MON2: variants seen among roughly 807,000 people sequenced by gnomAD.
MON2 encodes MON2 regulator of endosome-to-Golgi trafficking, also known as protein MON2 homolog.
Under a neutral mutation model 208.6 loss-of-function variants are expected in MON2, and 84 were observed. The observed-to-expected ratio is 0.40, with a 90% CI of 0.34 to 0.48. MON2 has a LOEUF of 0.48. Among genes scored for constraint, MON2 ranks in the 20% least tolerant of loss-of-function variants. The pLI is 0.59. For missense variants in MON2, 1,611 were observed against 2,015.4 expected (o/e 0.80, Z 3.84); for synonymous variants, 660 against 694.0 (o/e 0.95, Z 0.77).
chr12:62,538,614 G>A, intron 19 of MON2, 109 bp downstream of exon 19: 1 of 757,986 alleles, frequency 1.3e-6, no homozygotes, highest in Non-Finnish European at 2.2e-6. Context: ...AGATTGTATG[G>A]TAACCATACT....
intron 25 of MON2, 36 bp downstream of exon 25, chr12:62,556,228 T>C: frequency 6.3e-7 from 1 of 1,583,896 alleles, no homozygotes; most frequent in African/African-American, 1.4e-5. Context: ...TACAAGTAAT[T>C]AATGTTAAAA....
intron 1 of MON2, among the ~76,000 whole-genome samples, chr12:62,477,909 T>G (rs1297953179): frequency 6.6e-6 from 1 of 152,204 alleles, no homozygotes; most frequent in Non-Finnish European, 1.5e-5. Context: ...GCTGCAGCCG[T>G]TGTTGCCAAG....
rs1256407849 is a variant in MON2 at position 62,599,759 on chromosome 12, TA to T, written c.*7014del. Reference sequence around the variant, plus strand: ...AATAGTTTCATGTTTTACAGTCCATTAAAATCCAAGACTTATAAAATAAACT... The same window carrying T: ...AATAGTTTCATGTTTTACAGTCCATTAAATCCAAGACTTATAAAATAAACT... On this transcript the variant is annotated 3_prime_UTR_variant, in exon 35 of 35. Coordinates refer to ENST00000393630, the MANE Select transcript of MON2 (RefSeq NM_015026.3). 1.3e-5 allele frequency: 2 copies of T among 152,174 alleles called. No individual in the cohort carries two copies. Among genetic ancestry groups the T allele is most frequent in the African/African-American group, 4.8e-5 (2 of 41,438 alleles). The allele number at this position is 152,174 out of a possible 1,614,324, so 9.4% of individuals were successfully genotyped here. A position where few individuals can be genotyped will look rare whatever the true frequency, so the allele number is the denominator to read the frequency against.
At chr12:62,523,051 CCTTAAATT>C (rs1390535749) in intron 8 of MON2, among the ~76,000 whole-genome samples, 1 of 152,112 alleles carries the variant, frequency 6.6e-6, no homozygotes, top group Non-Finnish European at 1.5e-5. Flanking sequence ...AGCTGATGAA[CCTTAAATT>C]CATTCACACA....
chr12:62,479,593 A>G (rs959571982), intron 1 of MON2, among the ~76,000 whole-genome samples: 11 of 152,174 alleles, frequency 7.2e-5, no homozygotes, highest in Non-Finnish European at 1.6e-4. Context: ...AGCAGTCAGC[A>G]AAGGGTTTTG....
rs1157764901 is a variant in MON2, at chr12:62,571,566, T to C, written c.4498T>C (p.Phe1500Leu). 1 of 1,608,244 alleles carries C rather than the reference T, an allele frequency of 6.2e-7. No homozygotes were observed. Residue 1500 changes from phenylalanine to leucine, a missense_variant, in exon 30 of 35, where the codon TTT becomes CTT. Phe to Leu is a conservative substitution (Grantham distance 22). Coordinates refer to ENST00000393630, the MANE Select transcript of MON2 (RefSeq NM_015026.3). Reference sequence around the variant, plus strand: ...AGAACTAGCCAATACTTTTGAAGATTTTCTCTTTACTAAAAGGTCAGCTCA... The same window carrying C: ...AGAACTAGCCAATACTTTTGAAGATCTTCTCTTTACTAAAAGGTCAGCTCA... ...WPELANTFED[F>L]LFTKSIPPDN...
intron 8 of MON2, among the ~76,000 whole-genome samples, chr12:62,520,342 G>A (rs984708091): frequency 6.6e-6 from 1 of 152,028 alleles, no homozygotes; most frequent in Non-Finnish European, 1.5e-5. Context: ...GTAGATACAA[G>A]TTTTTTTAAA....
chr12:62,578,445 C>G lies in MON2; in HGVS notation c.4515C>G (p.Ser1505Arg). The stretch of plus-strand genomic sequence containing the variant: ...AAAATCAAGTGTTTTTTTTTTTTAG[C>G]ATACCTCCAGATAATCTCTCTATTC... ...NTFEDFLFTKSIPPDNLSIQE... is the reference protein window; with the variant it reads ...NTFEDFLFTKRIPPDNLSIQE... Residue 1505 changes from serine to arginine, a missense_variant and splice_region_variant, in exon 31 of 35, where the codon AGC becomes AGG. Physicochemically the swap from Ser to Arg is moderately radical, Grantham distance 110 (BLOSUM62 -1). Transcript: ENST00000393630. 2 of 1,366,944 alleles carry G rather than the reference C, an allele frequency of 1.5e-6. No individual in the cohort carries two copies. The highest frequency in any genetic ancestry group is 1.5e-5 in the African/African-American group (1 of 64,570). 84.7% of individuals were successfully genotyped at this position (1,366,944 alleles called of 1,614,324 possible). A position where few individuals can be genotyped will look rare whatever the true frequency, so the allele number is the denominator to read the frequency against.
chr12:62,500,024 C>T (rs966090290), intron 5 of MON2, among the ~76,000 whole-genome samples: 2 of 151,806 alleles, frequency 1.3e-5, no homozygotes, highest in Non-Finnish European at 2.9e-5. Flanking sequence ...TAATGTGTCC[C>T]ATTTGGTTAA....
At chr12:62,499,941 A>G (rs1004819617) in intron 5 of MON2, among the ~76,000 whole-genome samples, 1 of 151,952 alleles carries the variant, frequency 6.6e-6, no homozygotes, top group Non-Finnish European at 1.5e-5. Flanking sequence ...ACTTTGGTAT[A>G]TTGTTTTTTC....
At chr12:62,530,185 T>C (rs1424977754) in intron 11 of MON2, among the ~76,000 whole-genome samples, 1 of 151,962 alleles carries the variant, frequency 6.6e-6, no homozygotes, top group Non-Finnish European at 1.5e-5. Flanking sequence ...ATCTGCTTTC[T>C]ACTTTAATGA....
At chr12:62,484,043 A>G (rs2069611838) in intron 1 of MON2, 127 bp from the exon 2 acceptor site, 1 of 669,292 alleles carries the variant, frequency 1.5e-6, no homozygotes, top group East Asian at 2.6e-5. Flanking sequence ...TGGTTTGAAA[A>G]TTAAAAAGGT....
intron 8 of MON2, among the ~76,000 whole-genome samples, chr12:62,510,025 TA>T (rs1311731044): frequency 6.6e-6 from 1 of 152,022 alleles, no homozygotes; most frequent in Non-Finnish European, 1.5e-5. Flanking sequence ...AAAAGACTAC[TA>T]GGAAGAATTA....
At chr12:62,517,723 A>G (rs1048386182) in intron 8 of MON2, among the ~76,000 whole-genome samples, 5 of 152,174 alleles carry the variant, frequency 3.3e-5, no homozygotes, top group African/African-American at 1.2e-4. Context: ...AATTGTAACA[A>G]ATAAATTTCT....
In MON2 at chr12:62,599,938, A is replaced by C. The variant is rs2075593076; in HGVS notation, c.*7189A>C. ...GGGTTTTTATTATTGGTCCAGGTTT[A>C]AAACATTTTATCTATTTAAAACATA... On this transcript the variant is annotated 3_prime_UTR_variant, in exon 35 of 35. Coordinates refer to ENST00000393630, the MANE Select transcript of MON2 (RefSeq NM_015026.3). The C allele has an allele frequency of 2.6e-5, 4 of 152,242 alleles. 1 individual carries two copies. The South Asian group carries it at 6.2e-4, about 24-fold the overall frequency. The allele number at this position is 152,242 out of a possible 1,614,324, so 9.4% of individuals were successfully genotyped here.
chr12:62,525,903 A>G (rs2072306229), intron 10 of MON2, 46 bp from the exon 11 acceptor site: 2 of 1,573,236 alleles, frequency 1.3e-6, no homozygotes, highest in African/African-American at 1.4e-5. Context: ...TTTGTAGTCA[A>G]GTAGTAAATT....
In MON2 at chr12:62,466,881, T is replaced by G; in HGVS notation, c.-327T>G. ...GGGCCTGGGGAGCTGGCGCTGAAGC[T>G]TCTTGCCAGGTTGGCTGGTGACACC... On this transcript the variant is annotated 5_prime_UTR_variant, in exon 1 of 35. Transcript: ENST00000393630. 2.2e-6 allele frequency: 1 copy of G among 462,084 alleles called. No individual in the cohort carries two copies. The highest frequency in any genetic ancestry group is 2.0e-5 in the African/African-American group (1 of 49,392). The allele number at this position is 462,084 out of a possible 1,614,324, so 28.6% of individuals were successfully genotyped here. A position where few individuals can be genotyped will look rare whatever the true frequency, so the allele number is the denominator to read the frequency against.
chr12:62,588,995 T>C, intron 34 of MON2: 11 of 888,168 alleles, frequency 1.2e-5, no homozygotes, highest in Non-Finnish European at 1.6e-5. Context: ...GTATTACAAT[T>C]ATGCATGTAC....
intron 8 of MON2, among the ~76,000 whole-genome samples, chr12:62,520,215 A>G (rs2071946145): frequency 1.3e-5 from 2 of 152,226 alleles, no homozygotes; most frequent in South Asian, 4.1e-4. Context: ...TTAGTCATGC[A>G]TGATTTTGTA....
Sources: allele counts gnomAD v4.1 joint callset (sites outside exome capture counted in the v4.1 genomes callset), GRCh38; gene constraint gnomAD v4.1.1; transcripts MANE v1.5; gene names NCBI Gene and HGNC (gene_info 2026-07-23, HGNC 2026-07-21).